Variants in RNF216 observed in about 807,000 individuals in gnomAD.
RNF216 encodes E3 ubiquitin-protein ligase RNF216.
In RNF216, 72 loss-of-function variants were observed where a neutral mutation model predicts 110.8. The observed-to-expected ratio is 0.65, with a 90% confidence interval of 0.54 to 0.79. The LOEUF is 0.79. RNF216 is among the 30% of genes least tolerant of loss of function. The probability of loss-of-function intolerance (pLI) is 0.00; values close to 1 mark genes in which losing one functional copy is unlikely to be tolerated. For missense variants in RNF216, 1,342 were observed against 1,141.2 expected, an observed-to-expected ratio of 1.18 and a Z score of -2.54; for synonymous variants, 495 against 407.5, an observed-to-expected ratio of 1.21 and a Z score of -2.59.
intron 5 of RNF216, among the ~76,000 whole-genome samples, chr7:5,734,396 G>C (rs971994692): frequency 1.3e-5 from 2 of 152,160 alleles, no homozygotes; most frequent in African/African-American, 4.8e-5. Context: ...AAAAAGGATA[G>C]CAACGTTCTA....
rs1584574770 is a variant in RNF216, at chr7:5,752,750, A to C, written c.201+96T>G. ...AGGGGCTGTTCTCAGAACGAGTACAAGAGGTGCTGTTCTACAACAAGGCCC... is the reference window on the plus strand; with the variant it reads ...AGGGGCTGTTCTCAGAACGAGTACACGAGGTGCTGTTCTACAACAAGGCCC... On this transcript the variant is annotated intron_variant, in intron 3 of 16. Coordinates refer to ENST00000389902, the MANE Select transcript of RNF216 (RefSeq NM_207111.4). 3 of 1,235,534 alleles carry C rather than the reference A, an allele frequency of 2.4e-6. No individual in the cohort carries two copies. The East Asian group carries it at 7.3e-5, about 30-fold the overall frequency. 76.5% of individuals were successfully genotyped at this position (1,235,534 alleles called of 1,614,324 possible). A position where few individuals can be genotyped will look rare whatever the true frequency, so the allele number is the denominator to read the frequency against.
At chr7:5,768,775 C>T (rs1349318025) in intron 1 of RNF216, among the ~76,000 whole-genome samples, 5 of 151,426 alleles carry the variant, frequency 3.3e-5, no homozygotes, top group Admixed American at 6.6e-5. Context: ...CATTCTCCTG[C>T]CTCACCCTCC....
At chr7:5,769,570 A>G (rs1033941460) in intron 1 of RNF216, among the ~76,000 whole-genome samples, 1 of 151,682 alleles carries the variant, frequency 6.6e-6, no homozygotes, top group Non-Finnish European at 1.5e-5. Context: ...CAACAAACAA[A>G]CAAATTAGAT....
chr7:5,641,058 A>T (rs570753329), intron 15 of RNF216, 96 bp downstream of exon 15: 1 of 996,646 alleles, frequency 1.0e-6, no homozygotes, highest in South Asian at 1.7e-5. Context: ...TTCTTCTCCT[A>T]AGTCAAATTT....
At chr7:5,706,315 T>C (rs188492517) in intron 13 of RNF216, among the ~76,000 whole-genome samples, 114 of 152,250 alleles carry the variant, frequency 7.5e-4, no homozygotes, top group African/African-American at 2.4e-3. Flanking sequence ...TAGCAAAATG[T>C]TGTACAGCTG....
At chr7:5,635,288 C>A in intron 15 of RNF216, among the ~76,000 whole-genome samples, 3 of 148,432 alleles carry the variant, frequency 2.0e-5, no homozygotes, top group Middle Eastern at 7.1e-3. Flanking sequence ...CCACTAACTT[C>A]ACTTTTTTTT....
At chr7:5,755,008 C>T (rs1351833834) in intron 2 of RNF216, among the ~76,000 whole-genome samples, 1 of 132,904 alleles carries the variant, frequency 7.5e-6, no homozygotes, top group Non-Finnish European at 1.6e-5. Flanking sequence ...AGCCTGGGTG[C>T]TAGAGCAAGA....
chr7:5,667,758 G>C (rs1584412927), intron 13 of RNF216, among the ~76,000 whole-genome samples: 1 of 152,224 alleles, frequency 6.6e-6, no homozygotes. Context: ...CCCTGGAAGA[G>C]AGGCTGCAGA....
intron 13 of RNF216, among the ~76,000 whole-genome samples, chr7:5,704,101 C>G (rs796380753): frequency 6.6e-6 from 1 of 152,184 alleles, no homozygotes; most frequent in South Asian, 2.1e-4. Context: ...AGCATTCCAT[C>G]ATATCAATGA....
At position 5,696,224 on chromosome 7, in the gene RNF216, A is replaced by G. The variant is rs1791618691; in HGVS notation, c.2061+15537T>C. On this transcript the variant is annotated intron_variant, in intron 13 of 16. Coordinates refer to ENST00000389902, the MANE Select transcript of RNF216 (RefSeq NM_207111.4). This position sits in a 1 kb window ranked among gnomAD's most constrained non-coding sequence, Gnocchi z 5.4. ...TGTTTGTATTTCTGTCAGGAGGCCC[A>G]TGGAAAAAAAGCAGGGCTCTCAGCA... is the stretch of plus-strand genomic sequence containing the variant. 1.3e-5 allele frequency among the ~76,000 whole-genome samples: 2 copies of G among 152,246 alleles called. No homozygotes were observed. Among genetic ancestry groups the G allele is most frequent in the African/African-American group, 2.4e-5 (1 of 41,466 alleles).
intron 13 of RNF216, among the ~76,000 whole-genome samples, chr7:5,698,818 G>A (rs1021187665): frequency 3.3e-5 from 5 of 152,100 alleles, no homozygotes; most frequent in Admixed American, 1.3e-4. Context: ...CCTCCTCTAG[G>A]ATGAAGAGCT....
intron 13 of RNF216, among the ~76,000 whole-genome samples, chr7:5,661,205 G>A (rs1789115441): frequency 6.6e-6 from 1 of 152,130 alleles, no homozygotes; most frequent in African/African-American, 2.4e-5. Context: ...CTCCCAAAGT[G>A]CTGGGATTAC....
chr7:5,652,338 GCCCTCTCTA>G, intron 14 of RNF216, 66 bp downstream of exon 14: 1 of 1,040,280 alleles, frequency 9.6e-7, no homozygotes, highest in Non-Finnish European at 1.5e-6. Flanking sequence ...ACAACAGTAT[GCCCTCTCTA>G]CCAAAAAGCA....
intron 1 of RNF216, among the ~76,000 whole-genome samples, 161 bp downstream of exon 1, chr7:5,781,380 G>T (rs1179427208): frequency 6.6e-6 from 1 of 150,748 alleles, no homozygotes; most frequent in Non-Finnish European, 1.5e-5. Context: ...CCCTTGGCCC[G>T]ATCCCGCCCG....
rs762999540 is a variant in RNF216, at chr7:5,622,882, G to A, written c.2750C>T (p.Pro917Leu). The A allele has an allele frequency of 3.1e-6, 5 of 1,604,646 alleles. No individual in the cohort carries two copies. The highest frequency in any genetic ancestry group is 3.4e-6 in the Non-Finnish European group (4 of 1,173,026). ...CCATCAGAAGCGATGCCGCGGCTGG[G>A]GGCCAAAGTGCATGGGCAGGTTGTG... ...LEHNLPMHFG[P>L]QPRHRF The change falls in exon 17 of 17, where the codon CCC (proline) becomes CTC (leucine). Residue 917 changes from proline (P) to leucine (L), a missense_variant. Physicochemically the swap from Pro to Leu is moderately conservative, Grantham distance 98. Transcript: ENST00000389902.
intron 7 of RNF216, among the ~76,000 whole-genome samples, chr7:5,727,246 T>C (rs1412013395): frequency 6.6e-6 from 1 of 152,232 alleles, no homozygotes; most frequent in East Asian, 1.9e-4. Flanking sequence ...TTCCCCTCTT[T>C]GTAGAGAAAC....
In RNF216 at chr7:5,715,075, T is replaced by G. The variant is rs1432378322; in HGVS notation, c.1811A>C (p.Glu604Ala). 6.2e-7 allele frequency: 1 copy of G among 1,613,676 alleles called. No individual in the cohort carries two copies. The highest frequency in any genetic ancestry group is 1.7e-5 in the Admixed American group (1 of 59,998). ...CKECLIRYAQ[E>A]AVFGSGKLEL... ...TACCTTTCCAGATCCAAAGACTGCC[T>G]CTTGGGCATATCTGATGAGACACTC... The change falls in exon 11 of 17, where the codon GAG becomes GCG. Residue 604 changes from glutamate (E) to alanine (A), a missense_variant. By Grantham distance (107) the Glu-to-Ala change is moderately radical. Transcript: ENST00000389902.
chr7:5,758,126 T>C (rs763919400), intron 2 of RNF216, among the ~76,000 whole-genome samples: 7 of 152,334 alleles, frequency 4.6e-5, no homozygotes, highest in Middle Eastern at 3.4e-3. Flanking sequence ...TTTTCCAAAA[T>C]GAATTAGTTG....
chr7:5,780,378 A>C (rs1797013408), intron 1 of RNF216: 1 of 152,138 alleles, frequency 6.6e-6, no homozygotes, highest in African/African-American at 2.4e-5. Context: ...GTTTTCAGCC[A>C]GGGCGCTTCT....
Sources: gnomAD v4.1 joint callset for allele counts (sites outside exome capture counted in the v4.1 genomes callset) on GRCh38, gnomAD v4.1.1 for gene constraint, Gnocchi (gnomAD v3.1) non-coding constraint, MANE v1.5 for transcripts, NCBI Gene and HGNC (gene_info 2026-07-23, HGNC 2026-07-21) for gene names.